Variants in DNAJC3 observed in about 807,000 individuals in gnomAD.
The protein encoded by DNAJC3 is DnaJ heat shock protein family (Hsp40) member C3.
DNAJC3 carries 38 observed loss-of-function variants against 68.6 expected under a neutral mutation model. The ratio of observed to expected loss-of-function variants is 0.55; its 90% CI spans 0.43 to 0.73. DNAJC3 has a LOEUF of 0.73. Ranked by LOEUF, DNAJC3 falls within the 30% of genes least tolerant of loss-of-function variation. The probability of loss-of-function intolerance (pLI) is 0.00; values close to 1 mark genes in which losing one functional copy is unlikely to be tolerated. For missense variants in DNAJC3, 526 were observed against 591.9 expected (o/e 0.89, Z 1.16); for synonymous variants, 203 against 204.0 (o/e 1.00, Z 0.04).
intron 2 of DNAJC3, among the ~76,000 whole-genome samples, chr13:95,719,387 G>A (rs1881248868): frequency 6.6e-6 from 1 of 152,108 alleles, no homozygotes; most frequent in South Asian, 2.1e-4. Context: ...AACAACCCGA[G>A]GCTTTATCAC....
intron 1 of DNAJC3, among the ~76,000 whole-genome samples, chr13:95,690,525 C>G (rs1214614713): frequency 6.6e-6 from 1 of 151,430 alleles, no homozygotes; most frequent in Non-Finnish European, 1.5e-5. Context: ...GGGGTGGTGG[C>G]CGGGCAGAGG....
intron 2 of DNAJC3, among the ~76,000 whole-genome samples, chr13:95,713,651 A>G (rs981117204): frequency 6.6e-6 from 1 of 152,230 alleles, no homozygotes; most frequent in Non-Finnish European, 1.5e-5. Context: ...GTCTTATGGA[A>G]ATGCAAAGGA....
chr13:95,695,977 C>T (rs1880428215), intron 1 of DNAJC3, among the ~76,000 whole-genome samples: 1 of 152,158 alleles, frequency 6.6e-6, no homozygotes, highest in Non-Finnish European at 1.5e-5. Context: ...CTGTTAATCC[C>T]CATGAATGAT....
At chr13:95,709,151 T>C in intron 1 of DNAJC3, 76 bp from the exon 2 acceptor site, 1 of 1,071,140 alleles carries the variant, frequency 9.3e-7, no homozygotes, top group Non-Finnish European at 1.3e-6. Flanking sequence ...CAGATAACTA[T>C]TTTTAATATT....
chr13:95,717,739 T>G lies in DNAJC3; in HGVS notation c.194-5503T>G, dbSNP rs112468586. Among the ~76,000 whole-genome samples, 3 of 152,144 alleles carry G rather than the reference T, an allele frequency of 2.0e-5. No individual in the cohort carries two copies. In the East Asian group the frequency reaches 5.8e-4, roughly 29 times the overall value. Reference sequence around the variant, plus strand: ...AAATTCGCTTGGCTCTCATTCTCTCTTGTCTGCTGCCATGTAAGATGTGCC... The same window carrying G: ...AAATTCGCTTGGCTCTCATTCTCTCGTGTCTGCTGCCATGTAAGATGTGCC... On this transcript the variant is annotated intron_variant, in intron 2 of 11. Transcript: ENST00000602402.
At chr13:95,724,351 G>C (rs1324435338) in intron 3 of DNAJC3, among the ~76,000 whole-genome samples, 1 of 152,016 alleles carries the variant, frequency 6.6e-6, no homozygotes, top group Non-Finnish European at 1.5e-5. Context: ...TGGCTTCATT[G>C]GTCATCCAGA....
chr13:95,679,087 G>A (rs1879844139), intron 1 of DNAJC3, among the ~76,000 whole-genome samples: 1 of 151,354 alleles, frequency 6.6e-6, no homozygotes, highest in Non-Finnish European at 1.5e-5. Flanking sequence ...GGCTCCAAAG[G>A]TTTTACTAAA....
intron 4 of DNAJC3, among the ~76,000 whole-genome samples, chr13:95,753,877 G>A (rs2139669243): frequency 6.6e-6 from 1 of 152,178 alleles, no homozygotes; most frequent in Middle Eastern, 3.4e-3. Context: ...AAAACACATA[G>A]GTAATTACTG....
chr13:95,690,003 T>A (rs1345358883), intron 1 of DNAJC3, among the ~76,000 whole-genome samples: 1 of 152,066 alleles, frequency 6.6e-6, no homozygotes, highest in Non-Finnish European at 1.5e-5. Context: ...TTTCTTTTTT[T>A]TATTGATCAT....
At position 95,723,360 on chromosome 13, in the gene DNAJC3, C is replaced by A; in HGVS notation, c.312C>A (p.Phe104Leu). 7 of 1,610,428 alleles carry A rather than the reference C, an allele frequency of 4.3e-6. No homozygotes were observed. The highest frequency in any genetic ancestry group is 5.9e-6 in the Non-Finnish European group (7 of 1,178,148). The change falls in exon 3 of 12, where the codon TTC (phenylalanine) becomes TTA (leucine). Residue 104 changes from phenylalanine (F) to leucine (L), a missense_variant. Coordinates refer to ENST00000602402, the MANE Select transcript of DNAJC3 (RefSeq NM_006260.5). ...LTKVIQLKMD[F>L]TAARLQRGHL... ...AAGTGATTCAATTGAAGATGGACTTCACTGCAGTAAGTATATCTCAACTTT... is the reference window on the plus strand; with the variant it reads ...AAGTGATTCAATTGAAGATGGACTTAACTGCAGTAAGTATATCTCAACTTT...
At chr13:95,728,573 T>C (rs1428828921) in intron 4 of DNAJC3, among the ~76,000 whole-genome samples, 2 of 152,230 alleles carry the variant, frequency 1.3e-5, no homozygotes, top group East Asian at 1.9e-4. Context: ...TTAGATACTT[T>C]GTTGGATATG....
intron 4 of DNAJC3, among the ~76,000 whole-genome samples, chr13:95,754,728 C>A (rs73554913): frequency 0.055 from 8,318 of 152,088 alleles, 471 homozygotes; most frequent in East Asian, 0.14. Flanking sequence ...CCAGGTCCAC[C>A]TCATGCTCCA....
chr13:95,730,255 A>G (rs150702372), intron 4 of DNAJC3, among the ~76,000 whole-genome samples: 10 of 152,220 alleles, frequency 6.6e-5, no homozygotes, highest in African/African-American at 1.9e-4. Flanking sequence ...TGGCCTCCCA[A>G]AGTGGTAGGT....
intron 9 of DNAJC3, among the ~76,000 whole-genome samples, chr13:95,767,567 G>C (rs1160499024): frequency 2.0e-5 from 3 of 151,958 alleles, no homozygotes; most frequent in Admixed American, 6.6e-5. Context: ...CATTATGCTA[G>C]TTCTTTTTTA....
At chr13:95,687,239 A>T (rs1025301538) in intron 1 of DNAJC3, among the ~76,000 whole-genome samples, 5 of 152,082 alleles carry the variant, frequency 3.3e-5, no homozygotes, top group African/African-American at 1.2e-4. Context: ...CTGAGACTTT[A>T]CTCAAGTTGT....
chr13:95,687,201 A>G (rs990896550), intron 1 of DNAJC3, among the ~76,000 whole-genome samples: 5 of 152,184 alleles, frequency 3.3e-5, no homozygotes, highest in African/African-American at 4.8e-5. Flanking sequence ...TAGAAATGCT[A>G]CAGATTTTTA....
intron 11 of DNAJC3, among the ~76,000 whole-genome samples, chr13:95,787,465 C>T (rs975864634): frequency 2.6e-5 from 4 of 152,174 alleles, no homozygotes; most frequent in Admixed American, 6.5e-5. Flanking sequence ...GAGGATCTCT[C>T]AGGTTCCCTC....
chr13:95,749,671 T>C (rs1038809954), intron 4 of DNAJC3, among the ~76,000 whole-genome samples: 1 of 152,048 alleles, frequency 6.6e-6, no homozygotes, highest in Non-Finnish European at 1.5e-5. Flanking sequence ...GTGAAGTAGG[T>C]AGCTGCCTGC....
chr13:95,767,829 GCATGTGTGCACCACCACA>G (rs1461350129), intron 9 of DNAJC3, among the ~76,000 whole-genome samples: 30 of 150,754 alleles, frequency 2.0e-4, no homozygotes, highest in African/African-American at 7.1e-4. Flanking sequence ...AGCTGGGATT[GCATGTGTGCACCACCACA>G]CCTGGCTTTT....
Sources: allele counts gnomAD v4.1 joint callset (sites outside exome capture counted in the v4.1 genomes callset), GRCh38; gene constraint gnomAD v4.1.1; transcripts MANE v1.5; gene names NCBI Gene and HGNC (gene_info 2026-07-23, HGNC 2026-07-21).